HERC1: variants seen among roughly 807,000 people sequenced by gnomAD.
The protein encoded by HERC1 is probable E3 ubiquitin-protein ligase HERC1.
In HERC1, 160 loss-of-function variants were observed where a neutral mutation model predicts 554.3. That is an observed-to-expected ratio of 0.29 (90% CI 0.25 to 0.33). HERC1 has a LOEUF of 0.33. HERC1 is among the 10% of genes least tolerant of loss of function. The pLI, the probability that HERC1 is intolerant of heterozygous loss-of-function variation, is 1.00. For synonymous variants in HERC1, 2,175 were observed against 2,131.7 expected (o/e 1.02, Z -0.56); for missense variants, 4,919 against 5,918.5 (o/e 0.83, Z 5.54).
In HERC1 at chr15:63,674,764, A is replaced by G; in HGVS notation, c.7424T>C (p.Val2475Ala). ...SFSLDPTLPS[V>A]ESQHQITEGK... is the part of the protein sequence containing the mutation. ...TTCTGTTATTTGATGTTGGGATTCC[A>G]CACTTGGCAGTGTTGGATCTAAAGA... is the stretch of plus-strand genomic sequence containing the variant. The change falls in exon 38 of 78, where the codon GTG (valine) becomes GCG (alanine). Residue 2475 changes from valine (V) to alanine (A), a missense_variant. Physicochemically the swap from Val to Ala is moderately conservative, Grantham distance 64. Around this residue, in one of 11 missense-constraint regions of HERC1, gnomAD observed 1,963 missense variants for 2,228.6 expected, o/e 0.88. Coordinates refer to ENST00000443617, the MANE Select transcript of HERC1 (RefSeq NM_003922.4). 1 of 1,613,842 alleles carries G rather than the reference A, an allele frequency of 6.2e-7. No homozygotes were observed. The highest frequency in any genetic ancestry group is 8.5e-7 in the Non-Finnish European group (1 of 1,179,858).
intron 12 of HERC1, among the ~76,000 whole-genome samples, chr15:63,736,820 T>C (rs1485824746): frequency 1.3e-5 from 2 of 152,124 alleles, no homozygotes; most frequent in Admixed American, 1.3e-4. Context: ...TTGGGCAGGC[T>C]GGTCTCGAAC....
In HERC1 at chr15:63,774,758, C is replaced by G. The variant is rs1264762849; in HGVS notation, c.866G>C (p.Ser289Thr). 32 of 1,613,960 alleles carry G rather than the reference C, an allele frequency of 2.0e-5. No homozygotes were observed. Among genetic ancestry groups the G allele is most frequent in the Non-Finnish European group, 2.5e-5 (29 of 1,179,864 alleles). Residue 289 changes from serine to threonine, a missense_variant, in exon 2 of 78, where the codon AGC becomes ACC. By Grantham distance (58) the Ser-to-Thr change is moderately conservative. Coordinates refer to ENST00000443617, the MANE Select transcript of HERC1 (RefSeq NM_003922.4). ...HTMEKGKLLS[S>T]QEGMISFDCF... The stretch of plus-strand genomic sequence containing the variant: ...GTCAAAGCTGATCATTCCTTCCTGG[C>G]TTGAGAGTAGTTTGCCTTTCTCCAT...
intron 2 of HERC1, among the ~76,000 whole-genome samples, chr15:63,767,568 G>A (rs1302678628): frequency 6.6e-6 from 1 of 152,016 alleles, no homozygotes; most frequent in Admixed American, 6.6e-5. Flanking sequence ...CGTGGTGGCG[G>A]GCACCTGTAG....
Position 63,635,072 on chromosome 15 carries a change from G to A in HERC1, c.12415-184C>T, listed in dbSNP as rs1055037277. On this transcript the variant is annotated intron_variant, in intron 65 of 77. Coordinates refer to ENST00000443617, the MANE Select transcript of HERC1 (RefSeq NM_003922.4). ...TTTTTTTTTAAATTTTAAAGAGACA[G>A]TGTCTTGCTCTGTCACCTAGGCTGG... 5 of 413,408 alleles carry A rather than the reference G, an allele frequency of 1.2e-5. 1 individual carries two copies. The highest frequency in any genetic ancestry group is 1.2e-4 in the Admixed American group (3 of 25,402). The allele number at this position is 413,408 out of a possible 1,614,324, so 25.6% of individuals were successfully genotyped here. A position where few individuals can be genotyped will look rare whatever the true frequency, so the allele number is the denominator to read the frequency against.
intron 12 of HERC1, among the ~76,000 whole-genome samples, chr15:63,741,462 G>A (rs1031456051): frequency 1.3e-5 from 2 of 151,910 alleles, no homozygotes; most frequent in African/African-American, 4.8e-5. Context: ...ACAGGCACAC[G>A]CCACTACACC....
At chr15:63,687,978 G>C (rs2071876114) in intron 33 of HERC1, among the ~76,000 whole-genome samples, 1 of 152,228 alleles carries the variant, frequency 6.6e-6, no homozygotes, top group African/African-American at 2.4e-5. Context: ...AGGAACTCTA[G>C]ATTTTATCCA....
intron 17 of HERC1, among the ~76,000 whole-genome samples, chr15:63,726,203 A>G (rs561968985): frequency 5.9e-4 from 90 of 152,238 alleles, no homozygotes; most frequent in Non-Finnish European, 1.1e-3. Flanking sequence ...GCTGGTCTTG[A>G]ACTCCTGACC....
At chr15:63,688,655 T>A (rs529647478) in intron 33 of HERC1, among the ~76,000 whole-genome samples, 3 of 152,010 alleles carry the variant, frequency 2.0e-5, no homozygotes, top group Non-Finnish European at 4.4e-5. Context: ...TAAAGGAGAA[T>A]GAGAACAGGC....
At position 63,634,713 on chromosome 15, in the gene HERC1, C is replaced by A; in HGVS notation, c.12570+20G>T. The A allele has an allele frequency of 6.2e-7, 1 of 1,600,450 alleles. No individual in the cohort carries two copies. Among genetic ancestry groups the A allele is most frequent in the Non-Finnish European group, 8.5e-7 (1 of 1,171,056 alleles). ...GAGAAACAATGATCAGCTAGAATAT[C>A]TTATTGATTTATTCCATGCCTGTCC... On this transcript the variant is annotated intron_variant, in intron 66 of 77. Coordinates refer to ENST00000443617, the MANE Select transcript of HERC1 (RefSeq NM_003922.4).
chr15:63,785,496 C>T (rs886277078), intron 1 of HERC1, among the ~76,000 whole-genome samples: 3 of 151,860 alleles, frequency 2.0e-5, no homozygotes, highest in South Asian at 2.1e-4. Flanking sequence ...AGGCTGGGCA[C>T]GCTGGCTAAC....
At chr15:63,673,517 C>T (rs928840676) in intron 38 of HERC1, among the ~76,000 whole-genome samples, 2 of 152,140 alleles carry the variant, frequency 1.3e-5, no homozygotes, top group Admixed American at 1.3e-4. Flanking sequence ...CTCTCCAGAA[C>T]CTAAGAAAGT....
At chr15:63,740,378 C>T (rs1291370645) in intron 12 of HERC1, among the ~76,000 whole-genome samples, 1 of 152,152 alleles carries the variant, frequency 6.6e-6, no homozygotes, top group African/African-American at 2.4e-5. Flanking sequence ...ATAAATAATG[C>T]TGTTATTAAC....
At chr15:63,637,251 T>C (rs887730657) in intron 64 of HERC1, 1 of 545,040 alleles carries the variant, frequency 1.8e-6, no homozygotes, top group Admixed American at 2.6e-5. Context: ...TTTAAGCATT[T>C]GTTTACAATC....
At chr15:63,681,178 G>C (rs1223976474) in intron 34 of HERC1, among the ~76,000 whole-genome samples, 1 of 111,174 alleles carries the variant, frequency 9.0e-6, no homozygotes, top group Non-Finnish European at 2.3e-5. Flanking sequence ...TAGGTGTATT[G>C]TTTTGTTTTG....
intron 2 of HERC1, among the ~76,000 whole-genome samples, chr15:63,771,494 G>T (rs141274060): frequency 1.3e-5 from 2 of 150,914 alleles, no homozygotes; most frequent in African/African-American, 4.9e-5. Context: ...GCAATGGTGC[G>T]ATCTCAGCTC....
chr15:63,619,476 G>A (rs2067971845), intron 74 of HERC1, among the ~76,000 whole-genome samples: 1 of 152,144 alleles, frequency 6.6e-6, no homozygotes, highest in Non-Finnish European at 1.5e-5. Context: ...TTGTGTCTCT[G>A]CCAGGCTTTG....
chr15:63,771,545 C>A (rs555603337), intron 2 of HERC1, among the ~76,000 whole-genome samples: 1 of 152,058 alleles, frequency 6.6e-6, no homozygotes, highest in South Asian at 2.1e-4. Flanking sequence ...ATTCTCCCTG[C>A]CTCAGCCTCC....
At chr15:63,757,916 G>C (rs1278363618) in intron 4 of HERC1, among the ~76,000 whole-genome samples, 3 of 151,486 alleles carry the variant, frequency 2.0e-5, no homozygotes, top group African/African-American at 7.3e-5. Flanking sequence ...CACCATATTG[G>C]CCAGGCTGGT....
At chr15:63,675,678 T>C (rs2071161383) in intron 37 of HERC1, among the ~76,000 whole-genome samples, 1 of 152,220 alleles carries the variant, frequency 6.6e-6, no homozygotes, top group Admixed American at 6.5e-5. Flanking sequence ...ATAATGCCTC[T>C]ATAGTTTAAG....
Sources: gnomAD v4.1 joint callset for allele counts (sites outside exome capture counted in the v4.1 genomes callset) on GRCh38, gnomAD v4.1.1 for gene constraint, gnomAD v4.1.1 regional missense constraint, MANE v1.5 for transcripts, NCBI Gene and HGNC (gene_info 2026-07-23, HGNC 2026-07-21) for gene names.